SYT16: variants seen among roughly 807,000 people sequenced by gnomAD.
The protein encoded by SYT16 is synaptotagmin-16.
SYT16 carries 42 observed loss-of-function variants against 61.4 expected under a neutral mutation model. The ratio of observed to expected loss-of-function variants is 0.68; its 90% CI spans 0.53 to 0.89. The LOEUF (loss-of-function observed/expected upper bound fraction) is 0.89, where lower values mean the gene tolerates loss of function less well. Among genes scored for constraint, SYT16 ranks in the 40% least tolerant of loss-of-function variants. The probability of loss-of-function intolerance (pLI) is 0.00; values close to 1 mark genes in which losing one functional copy is unlikely to be tolerated. For missense variants in SYT16, 804 were observed against 807.3 expected, an observed-to-expected ratio of 1.00 and a Z score of 0.05; for synonymous variants, 314 against 302.3, an observed-to-expected ratio of 1.04 and a Z score of -0.40.
At chr14:62,051,598 C>T (rs547342535) in intron 3 of SYT16, among the ~76,000 whole-genome samples, 3 of 152,322 alleles carry the variant, frequency 2.0e-5, no homozygotes, top group South Asian at 4.1e-4. Flanking sequence ...TGTTCCTATT[C>T]GGCCATCTTG....
intron 1 of SYT16, among the ~76,000 whole-genome samples, chr14:61,955,567 T>C (rs1446933937): frequency 2.6e-5 from 4 of 152,130 alleles, no homozygotes; most frequent in Non-Finnish European, 5.9e-5. Context: ...TGTGTCTTAT[T>C]TTACTTAGCA....
intron 1 of SYT16, chr14:61,865,090 T>C: frequency 7.3e-7 from 1 of 1,361,204 alleles, no homozygotes. Context: ...AATGGCCCAC[T>C]GTGACTCATC....
rs747681430 is a variant in SYT16 at position 62,100,449 on chromosome 14, C to G, written c.1680C>G (p.Cys560Trp). 6.2e-7 allele frequency: 1 copy of G among 1,613,148 alleles called. No homozygotes were observed. Among genetic ancestry groups the G allele is most frequent in the Non-Finnish European group, 8.5e-7 (1 of 1,179,566 alleles). The change falls in exon 8 of 8, where the codon TGC (cysteine) becomes TGG (tryptophan). Residue 560 changes from cysteine to tryptophan, a missense_variant. Coordinates refer to ENST00000683842, the MANE Select transcript of SYT16 (RefSeq NM_001367656.1). ...CTGTGGGTCAAGAGATGTCCCGTTGCAAGACGTCCATTCGGCGTGGTCAGC... is the reference window on the plus strand; with the variant it reads ...CTGTGGGTCAAGAGATGTCCCGTTGGAAGACGTCCATTCGGCGTGGTCAGC... ...LNSVGQEMSRCKTSIRRGQPN... is the reference protein window; with the variant it reads ...LNSVGQEMSRWKTSIRRGQPN...
Position 61,989,126 on chromosome 14 carries a change from G to T in SYT16, c.-144-6750G>T, listed in dbSNP as rs2052439562. Among the ~76,000 whole-genome samples, 2 of 152,068 alleles carry T rather than the reference G, an allele frequency of 1.3e-5. 1 individual carries two copies. The highest frequency in any genetic ancestry group is 1.3e-4 in the Admixed American group (2 of 15,262). On this transcript the variant is annotated intron_variant, in intron 2 of 7. Coordinates refer to ENST00000683842, the MANE Select transcript of SYT16 (RefSeq NM_001367656.1). ...ATATACTATATAGTGTTTGGAAAAT[G>T]CTTGATATAATGATAGTACCATTTT...
At chr14:62,008,322 T>C (rs1240966698) in intron 3 of SYT16, among the ~76,000 whole-genome samples, 1 of 152,122 alleles carries the variant, frequency 6.6e-6, no homozygotes, top group African/African-American at 2.4e-5. Context: ...ATGTTAATTA[T>C]GCTAAGGGCT....
At chr14:61,954,800 G>A (rs1040659706) in intron 1 of SYT16, among the ~76,000 whole-genome samples, 8 of 152,018 alleles carry the variant, frequency 5.3e-5, no homozygotes, top group African/African-American at 1.9e-4. Context: ...CACATTAATT[G>A]TAGCACTGTG....
intron 1 of SYT16, among the ~76,000 whole-genome samples, chr14:61,885,409 G>C (rs2047862126): frequency 6.8e-6 from 1 of 148,124 alleles, no homozygotes; most frequent in African/African-American, 2.5e-5. Flanking sequence ...TGATGATGAT[G>C]ATTACTGAGG....
chr14:61,920,316 A>ATAGG (rs2049282050), intron 1 of SYT16, among the ~76,000 whole-genome samples: 1 of 152,084 alleles, frequency 6.6e-6, no homozygotes, highest in Non-Finnish European at 1.5e-5. Context: ...AGGTTTGTTA[A>ATAGG]TAGGTATACA....
chr14:61,974,267 G>T (rs543620765), intron 2 of SYT16, among the ~76,000 whole-genome samples: 183 of 152,284 alleles, frequency 1.2e-3, no homozygotes, highest in African/African-American at 4.1e-3. Flanking sequence ...CATGAGGTGG[G>T]CCTGTATTGG....
chr14:61,906,848 G>A (rs545337411), intron 1 of SYT16, among the ~76,000 whole-genome samples: 3 of 144,082 alleles, frequency 2.1e-5, no homozygotes, highest in South Asian at 2.2e-4. Context: ...TGTACTATCC[G>A]CCTATGATGT....
chr14:61,884,018 T>TG (rs2140323696), intron 1 of SYT16, among the ~76,000 whole-genome samples: 1 of 152,190 alleles, frequency 6.6e-6, no homozygotes, highest in East Asian at 1.9e-4. Context: ...CCTTGACATG[T>TG]GGGGATTATG....
At chr14:62,091,568 A>AT (rs2057074361) in intron 7 of SYT16, among the ~76,000 whole-genome samples, 1 of 152,202 alleles carries the variant, frequency 6.6e-6, no homozygotes, top group African/African-American at 2.4e-5. Context: ...ACTCCAAATG[A>AT]TTTTTGACAA....
intron 2 of SYT16, among the ~76,000 whole-genome samples, chr14:61,985,483 T>C (rs2140578803): frequency 6.6e-6 from 1 of 152,274 alleles, no homozygotes; most frequent in South Asian, 2.1e-4. Flanking sequence ...AAGATTTATA[T>C]TTTCCTCATC....
At chr14:61,841,032 T>A (rs2046287236) in intron 1 of SYT16, among the ~76,000 whole-genome samples, 1 of 152,340 alleles carries the variant, frequency 6.6e-6, no homozygotes, top group East Asian at 1.9e-4. Flanking sequence ...TGGTTCTTTG[T>A]CATTTGGAAC....
At chr14:61,837,020 A>G (rs569243558) in intron 1 of SYT16, among the ~76,000 whole-genome samples, 20 of 152,290 alleles carry the variant, frequency 1.3e-4, no homozygotes, top group Non-Finnish European at 2.1e-4. Flanking sequence ...TATAAGGCCA[A>G]TTCCCCTTGA....
intron 7 of SYT16, among the ~76,000 whole-genome samples, chr14:62,089,149 G>A (rs2056984301): frequency 6.6e-6 from 1 of 151,842 alleles, no homozygotes; most frequent in Non-Finnish European, 1.5e-5. Flanking sequence ...GAAACCCCAT[G>A]CCTACTAAAA....
At chr14:61,822,991 T>G (rs546715815) in intron 1 of SYT16, among the ~76,000 whole-genome samples, 1 of 152,274 alleles carries the variant, frequency 6.6e-6, no homozygotes, top group East Asian at 1.9e-4. Flanking sequence ...TTTTTTATTT[T>G]TTATTTTATT....
chr14:61,850,468 T>A (rs2046580095), intron 1 of SYT16, among the ~76,000 whole-genome samples: 1 of 152,176 alleles, frequency 6.6e-6, no homozygotes, highest in Admixed American at 6.5e-5. Flanking sequence ...ATGTTGAACT[T>A]TTTTTTCATG....
chr14:62,100,230 A>G (rs774389531), intron 7 of SYT16, among the ~76,000 whole-genome samples, 164 bp from the exon 8 acceptor site: 14 of 152,174 alleles, frequency 9.2e-5, no homozygotes, highest in Non-Finnish European at 1.5e-4. Context: ...TTAATAATTC[A>G]TGCAAGATGT....
Sources: gnomAD v4.1 joint callset for allele counts (sites outside exome capture counted in the v4.1 genomes callset) on GRCh38, gnomAD v4.1.1 for gene constraint, MANE v1.5 for transcripts, NCBI Gene and HGNC (gene_info 2026-07-23, HGNC 2026-07-21) for gene names.